The following CHPT1 variants were observed in gnomAD, a reference collection of about 807,000 sequenced individuals.
CHPT1 encodes the protein choline phosphotransferase 1.
A neutral mutation model predicts 47.6 loss-of-function variants in CHPT1; 36 were observed. The ratio of observed to expected loss-of-function variants is 0.76; its 90% CI spans 0.58 to 1.00. The LOEUF is 1.00. Among genes scored for constraint, CHPT1 ranks in the 50% least tolerant of loss-of-function variants. The pLI is 0.00. For synonymous variants in CHPT1, 194 were observed against 186.3 expected (o/e 1.04, Z -0.33); for missense variants, 458 against 498.1 (o/e 0.92, Z 0.77).
chr12:101,719,519 A>G (rs1398402528), intron 4 of CHPT1: 40 of 1,282,452 alleles, frequency 3.1e-5, no homozygotes, highest in Non-Finnish European at 3.8e-5. Flanking sequence ...ACCAACAGGT[A>G]AATATATTGC....
chr12:101,724,026 G>A (rs1951902657), intron 7 of CHPT1, among the ~76,000 whole-genome samples, 179 bp downstream of exon 7: 1 of 151,962 alleles, frequency 6.6e-6, no homozygotes, highest in South Asian at 2.1e-4. Flanking sequence ...AGACCAACCT[G>A]GCCAACATGG....
chr12:101,700,932 G>A (rs1233767877), intron 1 of CHPT1, among the ~76,000 whole-genome samples: 1 of 152,182 alleles, frequency 6.6e-6, no homozygotes, highest in Non-Finnish European at 1.5e-5. Flanking sequence ...AGACTTGACA[G>A]ATTGCTTCCA....
At chr12:101,706,152 C>A (rs1045717104) in intron 1 of CHPT1, among the ~76,000 whole-genome samples, 3 of 151,592 alleles carry the variant, frequency 2.0e-5, no homozygotes, top group South Asian at 2.1e-4. Flanking sequence ...GAGTTTGAGA[C>A]CAGCCTGACC....
chr12:101,728,688 G>T, intron 8 of CHPT1: 1 of 534,892 alleles, frequency 1.9e-6, no homozygotes, highest in African/African-American at 1.9e-5. Flanking sequence ...GTGTTAGAGA[G>T]AAAAATTCAC....
At chr12:101,717,434 C>T (rs1951781161) in intron 4 of CHPT1, 2 of 366,280 alleles carry the variant, frequency 5.5e-6, no homozygotes, top group Non-Finnish European at 1.1e-5. Context: ...ACACTTTCTG[C>T]TCATAGTGTT....
chr12:101,723,498 T>C (rs1951892108), intron 6 of CHPT1, among the ~76,000 whole-genome samples, 172 bp downstream of exon 6: 1 of 152,224 alleles, frequency 6.6e-6, no homozygotes, highest in African/African-American at 2.4e-5. Context: ...TTAAATTGTT[T>C]AGCTGTAGTT....
chr12:101,701,207 A>G (rs916874760), intron 1 of CHPT1, among the ~76,000 whole-genome samples: 1 of 152,126 alleles, frequency 6.6e-6, no homozygotes, highest in African/African-American at 2.4e-5. Flanking sequence ...TTACTATAAC[A>G]AGGATTTCTC....
intron 1 of CHPT1, among the ~76,000 whole-genome samples, chr12:101,709,628 G>T (rs1283703907): frequency 6.7e-6 from 1 of 148,596 alleles, no homozygotes; most frequent in African/African-American, 2.4e-5. Context: ...GGGAAGACTG[G>T]GAAAACTTGG....
At chr12:101,716,460 A>G (rs1951764581) in intron 3 of CHPT1, among the ~76,000 whole-genome samples, 1 of 152,212 alleles carries the variant, frequency 6.6e-6, no homozygotes, top group African/African-American at 2.4e-5. Flanking sequence ...AGTCTTTATA[A>G]CATCAGTGAT....
At chr12:101,724,548 T>G (rs1951910568) in intron 7 of CHPT1, among the ~76,000 whole-genome samples, 1 of 152,122 alleles carries the variant, frequency 6.6e-6, no homozygotes. Context: ...CATCGAGAAT[T>G]GTCAGCTAAT....
At position 101,697,648 on chromosome 12, in the gene CHPT1, C is replaced by G. The variant is rs1049816836; in HGVS notation, c.-214C>G. On this transcript the variant is annotated 5_prime_UTR_variant, in exon 1 of 9. Coordinates refer to ENST00000229266, the MANE Select transcript of CHPT1 (RefSeq NM_020244.3). ...CCCCTCCCCGAGGCCCCGCCCCACC[C>G]GCGAGCCGCAGCCGCGGCCCCACAG... is the stretch of plus-strand genomic sequence containing the variant. 1 of 161,330 alleles carries G rather than the reference C, an allele frequency of 6.2e-6. No individual in the cohort carries two copies. The highest frequency in any genetic ancestry group is 2.4e-5 in the African/African-American group (1 of 41,544). The allele number at this position is 161,330 out of a possible 1,614,324, so 10.0% of individuals were successfully genotyped here.
At chr12:101,718,632 C>T (rs1951800846) in intron 4 of CHPT1, among the ~76,000 whole-genome samples, 1 of 150,700 alleles carries the variant, frequency 6.6e-6, no homozygotes. Flanking sequence ...TGACTACACT[C>T]CTGCCTGAGT....
intron 1 of CHPT1, among the ~76,000 whole-genome samples, chr12:101,705,822 C>T (rs1256202471): frequency 6.9e-6 from 1 of 144,868 alleles, no homozygotes; most frequent in Non-Finnish European, 1.5e-5. Context: ...GCCTACTGTC[C>T]TCAAGTGATC....
Position 101,697,983 on chromosome 12 carries a change from T to C in CHPT1, c.122T>C (p.Leu41Pro). ...CGCTACAGCGCGGCGGGCGTCTCGC[T>C]GCTCGAGCCGCCGCTGCAGCTCTAC... ...EHRYSAAGVS[L>P]LEPPLQLYWT... The change falls in exon 1 of 9, where the codon CTG (leucine) becomes CCG (proline). Residue 41 changes from leucine to proline, a missense_variant. Transcript: ENST00000229266. 6.6e-7 allele frequency: 1 copy of C among 1,524,438 alleles called. No individual in the cohort carries two copies. The highest frequency in any genetic ancestry group is 1.4e-5 in the African/African-American group (1 of 70,050). The allele number at this position is 1,524,438 out of a possible 1,614,324, so 94.4% of individuals were successfully genotyped here. A position where few individuals can be genotyped will look rare whatever the true frequency, so the allele number is the denominator to read the frequency against.
At chr12:101,719,553 A>C in intron 4 of CHPT1, 1 of 1,272,450 alleles carries the variant, frequency 7.9e-7, no homozygotes, top group Non-Finnish European at 1.0e-6. Context: ...CTGGATATTA[A>C]CTACACAGAT....
At chr12:101,719,559 C>A in intron 4 of CHPT1, 1 of 1,263,012 alleles carries the variant, frequency 7.9e-7, no homozygotes, top group Non-Finnish European at 1.0e-6. Context: ...ATTAACTACA[C>A]AGATGTTTTG....
chr12:101,708,645 TTG>T (rs1951663923), intron 1 of CHPT1, among the ~76,000 whole-genome samples: 7 of 123,800 alleles, frequency 5.7e-5, no homozygotes, highest in Middle Eastern at 5.1e-3. Context: ...TCTCACTCTG[TTG>T]CCCCAGCTGG....
intron 8 of CHPT1, 28 bp downstream of exon 8, chr12:101,726,432 G>A: frequency 6.2e-7 from 1 of 1,602,406 alleles, no homozygotes; most frequent in South Asian, 1.1e-5. Context: ...CTGACTAATA[G>A]CCCAAGGAAA....
At chr12:101,722,591 G>C (rs222505) in intron 5 of CHPT1, among the ~76,000 whole-genome samples, 5,836 of 151,624 alleles carry the variant, frequency 0.038, 391 homozygotes, top group African/African-American at 0.13. Context: ...GGTGGCTCTC[G>C]CCTGTAATCC....
Sources: allele counts gnomAD v4.1 joint callset (sites outside exome capture counted in the v4.1 genomes callset), GRCh38; gene constraint gnomAD v4.1.1; transcripts MANE v1.5; gene names NCBI Gene and HGNC (gene_info 2026-07-23, HGNC 2026-07-21).